PTPN2: variants seen among roughly 807,000 people sequenced by gnomAD.
The protein encoded by PTPN2 is tyrosine-protein phosphatase non-receptor type 2.
In PTPN2, 19 loss-of-function variants were observed where a neutral mutation model predicts 57.3. That is an observed-to-expected ratio of 0.33 (90% CI 0.23 to 0.49). PTPN2 has a LOEUF of 0.49. Among genes scored for constraint, PTPN2 ranks in the 20% least tolerant of loss-of-function variants. The pLI, the probability that PTPN2 is intolerant of heterozygous loss-of-function variation, is 0.99. For synonymous variants in PTPN2, 153 were observed against 164.9 expected (o/e 0.93, Z 0.55); for missense variants, 358 against 501.1 (o/e 0.71, Z 2.73).
rs533477965 is a variant in PTPN2 at position 12,878,734 on chromosome 18, A to G, written c.69+5339T>C. ...TTTATAAACCCTAATTAATCAACCA[A>G]TTTCCAAGAGGCTGAGGTGAGAGGC... On this transcript the variant is annotated intron_variant, in intron 1 of 8. Coordinates refer to ENST00000309660, the MANE Select transcript of PTPN2 (RefSeq NM_002828.4). 3.4e-3 allele frequency among the ~76,000 whole-genome samples: 521 copies of G among 152,222 alleles called. 6 individuals are homozygous for G. Among genetic ancestry groups the G allele is most frequent in the Non-Finnish European group, 5.3e-3 (363 of 67,998 alleles).
At chr18:12,865,362 G>A (rs535261992) in intron 1 of PTPN2, among the ~76,000 whole-genome samples, 1 of 151,900 alleles carries the variant, frequency 6.6e-6, no homozygotes, top group African/African-American at 2.4e-5. Flanking sequence ...TTGAGCTCAG[G>A]AGGTCAAAGC....
intron 9 of PTPN2, chr18:12,786,630 A>G (rs2040851566): frequency 6.6e-6 from 1 of 151,888 alleles, no homozygotes; most frequent in South Asian, 2.1e-4. Flanking sequence ...TCTTCCCCCA[A>G]CTCCCCTCAG....
chr18:12,785,982 A>G, intron 9 of PTPN2: 1 of 723,612 alleles, frequency 1.4e-6, no homozygotes, highest in Admixed American at 2.4e-5. Flanking sequence ...GACACATTCA[A>G]CCACACTAAG....
chr18:12,792,914 C>T lies in PTPN2; in HGVS notation c.*1364G>A, dbSNP rs1423727887. 2.0e-6 allele frequency: 2 copies of T among 983,984 alleles called. No individual in the cohort carries two copies. The highest frequency in any genetic ancestry group is 2.4e-6 in the Non-Finnish European group (2 of 828,742). The allele number at this position is 983,984 out of a possible 1,614,324, so 61.0% of individuals were successfully genotyped here. On this transcript the variant is annotated 3_prime_UTR_variant, in exon 9 of 9. Coordinates refer to ENST00000309660, the MANE Select transcript of PTPN2 (RefSeq NM_002828.4). ...CCAAACTGTTTTTAAATGATAACTG[C>T]CCCCTTTAAAATACTTAAGCCTTAT...
At chr18:12,877,350 A>G (rs1432929827) in intron 1 of PTPN2, among the ~76,000 whole-genome samples, 1 of 152,212 alleles carries the variant, frequency 6.6e-6, no homozygotes, top group African/African-American at 2.4e-5. Context: ...AAGGGGGAGC[A>G]TTTAACTTTG....
At chr18:12,848,486 C>G (rs1388326792) in intron 2 of PTPN2, among the ~76,000 whole-genome samples, 3 of 152,218 alleles carry the variant, frequency 2.0e-5, no homozygotes, top group African/African-American at 7.2e-5. Flanking sequence ...TATGTGACTT[C>G]TAAGGCTAGG....
intron 1 of PTPN2, 120 bp downstream of exon 1, chr18:12,883,953 T>C (rs1598912948): frequency 1.2e-6 from 1 of 856,196 alleles, no homozygotes; most frequent in South Asian, 1.8e-5. Context: ...GCGCCGCCAC[T>C]TCCGCCCCGA....
chr18:12,802,276 G>A (rs1453475215), intron 7 of PTPN2, 125 bp from the exon 8 acceptor site: 3 of 778,312 alleles, frequency 3.9e-6, no homozygotes, highest in East Asian at 2.9e-5. Context: ...TAAAAGATGA[G>A]TGAAAAAGAA....
intron 5 of PTPN2, 54 bp downstream of exon 5, chr18:12,825,756 T>C: frequency 6.6e-7 from 1 of 1,507,090 alleles, no homozygotes; most frequent in Non-Finnish European, 9.0e-7. Context: ...TAATAAAGAA[T>C]AATTCTTTAA....
chr18:12,844,506 T>C (rs1177471020), intron 2 of PTPN2, among the ~76,000 whole-genome samples: 2 of 152,240 alleles, frequency 1.3e-5, no homozygotes, highest in African/African-American at 4.8e-5. Flanking sequence ...ATGATTTTAA[T>C]TTGCATTTTC....
intron 1 of PTPN2, among the ~76,000 whole-genome samples, chr18:12,860,739 G>A (rs1237816956): frequency 6.6e-6 from 1 of 152,154 alleles, no homozygotes; most frequent in Non-Finnish European, 1.5e-5. Context: ...CAACCAGCAG[G>A]CCTGAGGCTC....
At chr18:12,801,903 G>A in intron 8 of PTPN2, 67 bp downstream of exon 8, 1 of 1,368,810 alleles carries the variant, frequency 7.3e-7, no homozygotes, top group Non-Finnish European at 1.0e-6. Context: ...ATGGCACCTG[G>A]TCCCATAAAA....
chr18:12,873,944 C>CG (rs2044370822), intron 1 of PTPN2, among the ~76,000 whole-genome samples: 1 of 151,820 alleles, frequency 6.6e-6, no homozygotes, highest in African/African-American at 2.4e-5. Context: ...GTCGCGACCC[C>CG]GTCTGGGAGG....
At chr18:12,860,217 A>C (rs1199198446) in intron 1 of PTPN2, among the ~76,000 whole-genome samples, 1 of 147,904 alleles carries the variant, frequency 6.8e-6, no homozygotes, top group Non-Finnish European at 1.5e-5. Flanking sequence ...TGAACCCGGG[A>C]GGTGGAGGTT....
intron 1 of PTPN2, among the ~76,000 whole-genome samples, chr18:12,860,926 T>A (rs2043785867): frequency 1.3e-5 from 2 of 152,174 alleles, no homozygotes; most frequent in Non-Finnish European, 2.9e-5. Flanking sequence ...AAAAAAAGCA[T>A]TTTAATAGGA....
chr18:12,870,426 C>A (rs71363152), intron 1 of PTPN2, among the ~76,000 whole-genome samples: 2 of 22,048 alleles, frequency 9.1e-5, no homozygotes, highest in African/African-American at 6.3e-4. Context: ...TATATATATA[C>A]GTATATATAT....
chr18:12,809,802 T>A (rs927309242), intron 7 of PTPN2, among the ~76,000 whole-genome samples: 2 of 152,226 alleles, frequency 1.3e-5, no homozygotes, highest in Non-Finnish European at 1.5e-5. Flanking sequence ...TTCAGATCTT[T>A]AAAAAATCTC....
rs765653644 is a variant in PTPN2 at position 12,870,500 on chromosome 18, A to AGAG, written c.70-11247_70-11246insCTC. 8.0e-4 allele frequency among the ~76,000 whole-genome samples: 42 copies of AGAG among 52,716 alleles called. 1 individual carries two copies. The highest frequency in any genetic ancestry group is 7.0e-3 in the East Asian group (5 of 716). The allele number at this position is 52,716 out of a possible 152,430, so 34.6% of individuals were successfully genotyped here. ...AGAGAGAGAGAGAGAGAGAGAGAGA[A>AGAG]AAGCGTGTTGTTTTTTTTTTTTTTT... On this transcript the variant is annotated intron_variant, in intron 1 of 8. Transcript: ENST00000309660.
chr18:12,801,312 A>T (rs1349523429), intron 8 of PTPN2, among the ~76,000 whole-genome samples: 1 of 152,094 alleles, frequency 6.6e-6, no homozygotes, highest in Non-Finnish European at 1.5e-5. Flanking sequence ...CAGGAGTTCA[A>T]GACCAGCCTT....
Sources: allele counts gnomAD v4.1 joint callset (sites outside exome capture counted in the v4.1 genomes callset), GRCh38; gene constraint gnomAD v4.1.1; transcripts MANE v1.5; gene names NCBI Gene and HGNC (gene_info 2026-07-23, HGNC 2026-07-21).